Variants in FHIP2A observed in about 807,000 individuals in gnomAD.
FHIP2A encodes family with sequence similarity 160 member B1.
In FHIP2A, 46 loss-of-function variants were observed where a neutral mutation model predicts 93.5. That is an observed-to-expected ratio of 0.49 (90% CI 0.39 to 0.63). The LOEUF (loss-of-function observed/expected upper bound fraction) is 0.63. Among genes scored for constraint, FHIP2A ranks in the 20% least tolerant of loss-of-function variants. FHIP2A has a pLI of 0.00. For missense variants in FHIP2A, 769 were observed against 909.7 expected (o/e 0.85, Z 1.99); for synonymous variants, 332 against 326.5 (o/e 1.02, Z -0.18).
At chr10:114,852,654 A>T (rs1291473346) in intron 13 of FHIP2A, among the ~76,000 whole-genome samples, 1 of 152,148 alleles carries the variant, frequency 6.6e-6, no homozygotes, top group Non-Finnish European at 1.5e-5. Context: ...TAGCCTCATA[A>T]CTTGTTTCCT....
At chr10:114,865,827 T>G (rs928838446), downstream of FHIP2A, among the ~76,000 whole-genome samples, 6 of 151,022 alleles carry the variant, frequency 4.0e-5, no homozygotes, top group South Asian at 6.3e-4. Context: ...AAAATAGATA[T>G]AAGCAAGCAG....
chr10:114,864,820 C>G (rs577070613), downstream of FHIP2A: 22 of 353,768 alleles, frequency 6.2e-5, no homozygotes, highest in African/African-American at 4.9e-4. Context: ...AGGGATATGG[C>G]ACCCTACAAT....
intron 14 of FHIP2A, among the ~76,000 whole-genome samples, chr10:114,860,275 T>C (rs1209283561): frequency 1.3e-5 from 2 of 152,204 alleles, no homozygotes; most frequent in African/African-American, 4.8e-5. Flanking sequence ...TAATTTGAGA[T>C]GATGAGAGCT....
At chr10:114,850,707 T>TA (rs555710797) in intron 13 of FHIP2A, among the ~76,000 whole-genome samples, 53 of 151,952 alleles carry the variant, frequency 3.5e-4, no homozygotes, top group African/African-American at 9.9e-4. Flanking sequence ...CTCCAAAAAA[T>TA]AAAAAAAATT....
chr10:114,848,521 T>A (rs1211733670), intron 12 of FHIP2A, 126 bp from the exon 13 acceptor site: 1 of 629,670 alleles, frequency 1.6e-6, no homozygotes, highest in Non-Finnish European at 2.8e-6. Flanking sequence ...CACTAGATGC[T>A]TTAGTACTTA....
At chr10:114,866,873 T>C (rs929950052), downstream of FHIP2A, among the ~76,000 whole-genome samples, 1 of 152,246 alleles carries the variant, frequency 6.6e-6, no homozygotes, top group African/African-American at 2.4e-5. Flanking sequence ...TTTTGGGTTA[T>C]AGTCTTACTT....
At chr10:114,897,941 T>C (rs11196970) in intron 16 of FHIP2A, among the ~76,000 whole-genome samples, 17,717 of 152,160 alleles carry the variant, frequency 0.12, 1,173 homozygotes, top group East Asian at 0.2. Context: ...GTGACTGAAC[T>C]TGAGAATTAT....
chr10:114,850,455 C>T (rs567045093), intron 13 of FHIP2A, among the ~76,000 whole-genome samples: 2 of 152,268 alleles, frequency 1.3e-5, no homozygotes, highest in East Asian at 3.9e-4. Flanking sequence ...CCTGTAACCC[C>T]AGCACTTTGG....
At chr10:114,834,351 A>C (rs2083625025) in intron 3 of FHIP2A, among the ~76,000 whole-genome samples, 1 of 152,224 alleles carries the variant, frequency 6.6e-6, no homozygotes. Flanking sequence ...AGGATTGTTA[A>C]TAATAAATTG....
chr10:114,826,483 A>C (rs1215017484), intron 1 of FHIP2A, among the ~76,000 whole-genome samples: 5 of 152,260 alleles, frequency 3.3e-5, no homozygotes, highest in African/African-American at 1.2e-4. Flanking sequence ...TGCTTAGTGC[A>C]GTGCCTGGCA....
At chr10:114,860,931 C>T in intron 15 of FHIP2A, 42 bp downstream of exon 15, 3 of 1,560,296 alleles carry the variant, frequency 1.9e-6, no homozygotes, top group Non-Finnish European at 2.6e-6. Flanking sequence ...ATTGATAAAT[C>T]TGTGCAATTA....
Position 114,830,626 on chromosome 10 carries a change from GT to G in FHIP2A, c.46-223del, listed in dbSNP as rs1028645967. Among the ~76,000 whole-genome samples the G allele has an allele frequency of 2.0e-5, 3 of 152,060 alleles. No individual in the cohort carries two copies. In the East Asian group the frequency reaches 5.8e-4, roughly 29 times the overall value. On this transcript the variant is annotated intron_variant, in intron 1 of 16. Coordinates refer to ENST00000369248, the MANE Select transcript of FHIP2A (RefSeq NM_020940.4). Reference sequence around the variant, plus strand: ...GAGGAAAAAAAAGCTTGATACTGTAGTTTAATAATAATGTTGATAAATATGT... The same window carrying G: ...GAGGAAAAAAAAGCTTGATACTGTAGTTAATAATAATGTTGATAAATATGT...
chr10:114,835,858 A>G (rs562289669), intron 4 of FHIP2A, among the ~76,000 whole-genome samples: 4 of 152,160 alleles, frequency 2.6e-5, no homozygotes, highest in Non-Finnish European at 5.9e-5. Flanking sequence ...TTATACATGA[A>G]TTTTCCTTGG....
In FHIP2A at chr10:114,863,517, T is replaced by C. The variant is rs1029230999; in HGVS notation, c.*1977T>C. Reference sequence around the variant, plus strand: ...GCTTTAACTCTTATATTTGTGTATATGTATGCTGCTTCTGAAAATATAATT... The same window carrying C: ...GCTTTAACTCTTATATTTGTGTATACGTATGCTGCTTCTGAAAATATAATT... On this transcript the variant is annotated 3_prime_UTR_variant, in exon 17 of 17. Coordinates refer to ENST00000369248, the MANE Select transcript of FHIP2A (RefSeq NM_020940.4). 9 of 1,173,518 alleles carry C rather than the reference T, an allele frequency of 7.7e-6. No individual in the cohort carries two copies. In the African/African-American group the frequency reaches 1.3e-4, roughly 17 times the overall value. The allele number at this position is 1,173,518 out of a possible 1,614,324, so 72.7% of individuals were successfully genotyped here. A position where few individuals can be genotyped will look rare whatever the true frequency, so the allele number is the denominator to read the frequency against.
chr10:114,850,272 A>G (rs2083726957), intron 13 of FHIP2A, among the ~76,000 whole-genome samples: 2 of 152,112 alleles, frequency 1.3e-5, no homozygotes, highest in African/African-American at 4.8e-5. Context: ...AATACTTACC[A>G]TTATTCTTTT....
In FHIP2A at chr10:114,863,881, A is replaced by G. The variant is rs893930169; in HGVS notation, c.*2341A>G. 1.8e-6 allele frequency: 2 copies of G among 1,087,996 alleles called. No homozygotes were observed. The highest frequency in any genetic ancestry group is 2.3e-5 in the South Asian group (1 of 43,546). 67.4% of individuals were successfully genotyped at this position (1,087,996 alleles called of 1,614,324 possible). A position where few individuals can be genotyped will look rare whatever the true frequency, so the allele number is the denominator to read the frequency against. Reference sequence around the variant, plus strand: ...TCAGCCTTGCTTCACATTTGTATCAATAAATATGCACATTTTTTAAAACTT... The same window carrying G: ...TCAGCCTTGCTTCACATTTGTATCAGTAAATATGCACATTTTTTAAAACTT... On this transcript the variant is annotated 3_prime_UTR_variant, in exon 17 of 17. Transcript: ENST00000369248.
intron 16 of FHIP2A, among the ~76,000 whole-genome samples, chr10:114,890,604 G>T (rs1230275983): frequency 6.8e-6 from 1 of 146,008 alleles, no homozygotes; most frequent in Non-Finnish European, 1.5e-5. Context: ...GACATATATA[G>T]TTTATAAAAT....
downstream of FHIP2A, among the ~76,000 whole-genome samples, chr10:114,865,280 G>A (rs986596170): frequency 5.3e-5 from 8 of 152,092 alleles, no homozygotes; most frequent in Admixed American, 3.3e-4. Context: ...GAGCCACCGC[G>A]CCTGGCCCAG....
At chr10:114,858,178 A>G (rs941404998) in intron 14 of FHIP2A, among the ~76,000 whole-genome samples, 1 of 152,250 alleles carries the variant, frequency 6.6e-6, no homozygotes, top group Non-Finnish European at 1.5e-5. Context: ...GACCTCAAGT[A>G]ATAGATATAA....
Sources: gnomAD v4.1 joint callset for allele counts (sites outside exome capture counted in the v4.1 genomes callset) on GRCh38, gnomAD v4.1.1 for gene constraint, MANE v1.5 for transcripts, NCBI Gene and HGNC (gene_info 2026-07-23, HGNC 2026-07-21) for gene names.